Variants in MSRA observed in about 807,000 individuals in gnomAD.
The protein encoded by MSRA is mitochondrial peptide methionine sulfoxide reductase.
MSRA carries 54 observed loss-of-function variants against 31.3 expected under a neutral mutation model. The observed-to-expected ratio is 1.73, with a 90% CI of 1.39 to 2.17. The LOEUF is 2.17. MSRA is among the 30% of genes most tolerant of loss of function. The pLI is 0.00. For missense variants in MSRA, 507 were observed against 300.9 expected (o/e 1.69, Z -5.07); for synonymous variants, 169 against 116.5 (o/e 1.45, Z -2.90).
At chr8:10,206,718 C>T (rs1298066874) in intron 1 of MSRA, among the ~76,000 whole-genome samples, 1 of 152,230 alleles carries the variant, frequency 6.6e-6, no homozygotes, top group Non-Finnish European at 1.5e-5. Context: ...CGCCTTCTGG[C>T]AGCACATCTG....
intron 1 of MSRA, among the ~76,000 whole-genome samples, chr8:10,107,466 G>A (rs571539246): frequency 1.3e-3 from 205 of 152,166 alleles, no homozygotes; most frequent in African/African-American, 4.9e-3. Context: ...TAGCAAAGAG[G>A]TCCATAATGA....
intron 1 of MSRA, among the ~76,000 whole-genome samples, chr8:10,091,180 C>T (rs1305003740): frequency 6.6e-6 from 1 of 152,114 alleles, no homozygotes; most frequent in South Asian, 2.1e-4. Flanking sequence ...GTTCAGTCTG[C>T]TAGTATTTTG....
At chr8:10,153,099 G>A (rs920306130) in intron 1 of MSRA, among the ~76,000 whole-genome samples, 2 of 152,166 alleles carry the variant, frequency 1.3e-5, no homozygotes, top group African/African-American at 4.8e-5. Context: ...CAGTGTGAAT[G>A]TACTTACCAC....
intron 2 of MSRA, among the ~76,000 whole-genome samples, chr8:10,222,526 C>G (rs1810608203): frequency 6.6e-6 from 1 of 152,132 alleles, no homozygotes; most frequent in South Asian, 2.1e-4. Flanking sequence ...AATGAAATCA[C>G]TATCTCAGAG....
chr8:10,095,383 A>T (rs1799084489), intron 1 of MSRA, among the ~76,000 whole-genome samples: 1 of 152,186 alleles, frequency 6.6e-6, no homozygotes, highest in African/African-American at 2.4e-5. Context: ...GATTTGGCAG[A>T]AGTCGATGCT....
chr8:10,240,438 A>G (rs1812310982), intron 2 of MSRA, among the ~76,000 whole-genome samples: 1 of 152,208 alleles, frequency 6.6e-6, no homozygotes, highest in East Asian at 1.9e-4. Flanking sequence ...ACTGGCTGGC[A>G]TCCCCTGGCT....
At chr8:10,345,172 G>A (rs1803693329) in intron 5 of MSRA, among the ~76,000 whole-genome samples, 1 of 152,132 alleles carries the variant, frequency 6.6e-6, no homozygotes, top group African/African-American at 2.4e-5. Flanking sequence ...ATGTTCCTTG[G>A]CTAAAACAAG....
chr8:10,347,884 G>C (rs1321454877), intron 5 of MSRA, among the ~76,000 whole-genome samples: 1 of 152,130 alleles, frequency 6.6e-6, no homozygotes, highest in East Asian at 1.9e-4. Context: ...ACATTCCCTT[G>C]TCTCCAGTGG....
At chr8:10,423,515 GA>G (rs1485194956) in intron 5 of MSRA, among the ~76,000 whole-genome samples, 2 of 151,110 alleles carry the variant, frequency 1.3e-5, no homozygotes, top group African/African-American at 2.4e-5. Context: ...GTGGGGCGGG[GA>G]GGGGGGGTGG....
chr8:10,289,768 C>A (rs1202895742), intron 3 of MSRA, among the ~76,000 whole-genome samples: 1 of 152,160 alleles, frequency 6.6e-6, no homozygotes, highest in Non-Finnish European at 1.5e-5. Context: ...GGAAAACGTA[C>A]GCTTGACAAC....
At chr8:10,411,724 T>A (rs974070442) in intron 5 of MSRA, among the ~76,000 whole-genome samples, 9 of 152,208 alleles carry the variant, frequency 5.9e-5, no homozygotes, top group African/African-American at 1.7e-4. Flanking sequence ...ATAAAAAAAA[T>A]AAAGTTGCTA....
intron 1 of MSRA, among the ~76,000 whole-genome samples, chr8:10,187,433 C>G (rs574545399): frequency 2.0e-5 from 3 of 152,132 alleles, no homozygotes; most frequent in Non-Finnish European, 4.4e-5. Flanking sequence ...CAGCTTCTGC[C>G]GCATGTTGTA....
intron 1 of MSRA, among the ~76,000 whole-genome samples, chr8:10,109,468 AT>A (rs1353289743): frequency 6.6e-6 from 1 of 151,760 alleles, no homozygotes; most frequent in East Asian, 1.9e-4. Context: ...CAGCCTCCCA[AT>A]TAGCTGGGGC....
chr8:10,142,966 T>A (rs189847064), intron 1 of MSRA, among the ~76,000 whole-genome samples: 1 of 152,200 alleles, frequency 6.6e-6, no homozygotes, highest in East Asian at 1.9e-4. Context: ...TTTTCCCAGT[T>A]CCCACCCTGA....
chr8:10,070,469 G>A (rs149416417), intron 1 of MSRA, among the ~76,000 whole-genome samples: 1 of 152,208 alleles, frequency 6.6e-6, no homozygotes, highest in Non-Finnish European at 1.5e-5. Flanking sequence ...GTAGTTAGAA[G>A]TAATACAAAC....
intron 2 of MSRA, among the ~76,000 whole-genome samples, chr8:10,215,582 G>T (rs905976821): frequency 5.3e-5 from 8 of 152,146 alleles, no homozygotes; most frequent in African/African-American, 1.4e-4. Context: ...GTAACTCAGG[G>T]ATTTTGAAGG....
intron 3 of MSRA, among the ~76,000 whole-genome samples, chr8:10,298,633 A>AT (rs201838783): frequency 1.8e-5 from 2 of 112,502 alleles, no homozygotes; most frequent in East Asian, 7.0e-4. Context: ...TAGGAAAAAA[A>AT]TCATGAGCAT....
intron 2 of MSRA, among the ~76,000 whole-genome samples, chr8:10,244,319 A>G (rs1585258186): frequency 6.6e-6 from 1 of 152,226 alleles, no homozygotes; most frequent in Non-Finnish European, 1.5e-5. Flanking sequence ...AAGGAAGTGC[A>G]TGGCAACATT....
intron 1 of MSRA, among the ~76,000 whole-genome samples, chr8:10,076,919 G>GA (rs1022659030): frequency 3.7e-4 from 56 of 150,090 alleles, no homozygotes; most frequent in African/African-American, 1.1e-3. Flanking sequence ...GAGAACATTA[G>GA]AAAAAAAAAG....
Sources: gnomAD v4.1 joint callset for allele counts (sites outside exome capture counted in the v4.1 genomes callset) on GRCh38, gnomAD v4.1.1 for gene constraint, MANE v1.5 for transcripts, NCBI Gene and HGNC (gene_info 2026-07-23, HGNC 2026-07-21) for gene names.